Variants in HPRT1 observed in about 807,000 individuals in gnomAD.
HPRT1 encodes hypoxanthine phosphoribosyltransferase 1, also known as hypoxanthine-guanine phosphoribosyltransferase.
Under a neutral mutation model 19.0 loss-of-function variants are expected in HPRT1, and 4 were observed. That is an observed-to-expected ratio of 0.21 (90% CI 0.10 to 0.48). HPRT1 has a LOEUF of 0.48. Ranked by LOEUF, HPRT1 falls within the 20% of genes least tolerant of loss-of-function variation. The pLI is 0.98. For synonymous variants in HPRT1, 53 were observed against 54.9 expected (o/e 0.97, Z 0.15); for missense variants, 65 against 164.0 (o/e 0.40, Z 3.30).
Position 134,469,474 on chromosome X carries a change from C to T in HPRT1, c.28-3885C>T, listed in dbSNP as rs756649539. ...TTGCCAGAATTCCTGTTTTAGAATA[C>T]ATCTCTGCTGATCTGTCTGTATTCT... is the stretch of plus-strand genomic sequence containing the variant. On this transcript the variant is annotated intron_variant, in intron 1 of 8. Coordinates refer to ENST00000298556, the MANE Select transcript of HPRT1 (RefSeq NM_000194.3). Among the ~76,000 whole-genome samples, 23 of 111,821 alleles carry T rather than the reference C, an allele frequency of 2.1e-4. 1 individual carries two copies. Among genetic ancestry groups the T allele is most frequent in the African/African-American group, 7.1e-4 (22 of 30,803 alleles).
In HPRT1 at chrX:134,496,224, TC is replaced by T. The variant is rs17882884; in HGVS notation, c.486-2164del. Among the ~76,000 whole-genome samples the T allele has an allele frequency of 2.5e-3, 286 of 112,291 alleles. 1 individual carries two copies. The highest frequency in any genetic ancestry group is 8.6e-3 in the African/African-American group (265 of 30,932). On this transcript the variant is annotated intron_variant, in intron 6 of 8. Transcript: ENST00000298556. ...ATATGAGGGTTCCAATATCTCCACATCCTTGACAACACTTGTTACTGTCCTT... is the reference window on the plus strand; with the variant it reads ...ATATGAGGGTTCCAATATCTCCACATCTTGACAACACTTGTTACTGTCCTT...
chrX:134,499,593 A>G (rs2077690069), intron 8 of HPRT1, among the ~76,000 whole-genome samples: 1 of 111,526 alleles, frequency 9.0e-6, no homozygotes, highest in Non-Finnish European at 1.9e-5. Flanking sequence ...TCACAAGGTC[A>G]GGAGATCGAG....
At chrX:134,483,690 C>T (rs1330085801) in intron 3 of HPRT1, among the ~76,000 whole-genome samples, 1 of 111,557 alleles carries the variant, frequency 9.0e-6, no homozygotes, top group African/African-American at 3.3e-5. Flanking sequence ...TTGTTCCAGA[C>T]AGCCAAGGAG....
At chrX:134,473,613 A>T (rs888579006) in intron 2 of HPRT1, 148 bp downstream of exon 2, 1 of 445,277 alleles carries the variant, frequency 2.2e-6, no homozygotes, top group African/African-American at 2.4e-5. Context: ...TATTAAAAAT[A>T]AAAGAGGAGG....
At position 134,483,180 on chromosome X, in the gene HPRT1, G is replaced by T. The variant is rs927984680; in HGVS notation, c.319-3285G>T. On this transcript the variant is annotated intron_variant, in intron 3 of 8. Transcript: ENST00000298556. ...GCCCTCTTGGGAACCCAGCCTTGTT[G>T]ATTAGCCTCTCTGCTTTCTCTCCTT... Among the ~76,000 whole-genome samples, 3 of 111,079 alleles carry T rather than the reference G, an allele frequency of 2.7e-5. No homozygotes were observed. In the Admixed American group the frequency reaches 2.9e-4, roughly 11 times the overall value.
At chrX:134,484,988 A>G (rs2077649349) in intron 3 of HPRT1, among the ~76,000 whole-genome samples, 1 of 111,783 alleles carries the variant, frequency 8.9e-6, no homozygotes, top group African/African-American at 3.3e-5. Context: ...TCTTGAATGT[A>G]TCTTTGTATA....
intron 1 of HPRT1, among the ~76,000 whole-genome samples, chrX:134,468,756 A>AG (rs1163298685): frequency 9.8e-6 from 1 of 102,081 alleles, no homozygotes; most frequent in Admixed American, 1.0e-4. Context: ...CTCCGTCTCA[A>AG]AAAAAAAAAA....
rs982823151 is a variant in HPRT1, at chrX:134,496,218, T to G, written c.486-2172T>G. Among the ~76,000 whole-genome samples the G allele has an allele frequency of 8.0e-5, 9 of 112,128 alleles. No individual in the cohort carries two copies. The East Asian group carries it at 1.4e-3, about 17-fold the overall frequency. ...AGTAACATATGAGGGTTCCAATATCTCCACATCCTTGACAACACTTGTTAC... is the reference window on the plus strand; with the variant it reads ...AGTAACATATGAGGGTTCCAATATCGCCACATCCTTGACAACACTTGTTAC... On this transcript the variant is annotated intron_variant, in intron 6 of 8. Transcript: ENST00000298556.
At chrX:134,482,279 TC>T (rs2077642501) in intron 3 of HPRT1, among the ~76,000 whole-genome samples, 1 of 111,300 alleles carries the variant, frequency 9.0e-6, no homozygotes, top group Non-Finnish European at 1.9e-5. Context: ...GGTCTAGAAC[TC>T]CTGGGCTTAA....
intron 6 of HPRT1, 118 bp from the exon 7 acceptor site, chrX:134,498,272 G>T (rs962490410): frequency 1.3e-5 from 8 of 613,851 alleles, no homozygotes; most frequent in Admixed American, 1.2e-4. Flanking sequence ...TGTGTTAAAA[G>T]TGACCATGGT....
chrX:134,495,048 A>G (rs904039534), intron 6 of HPRT1, among the ~76,000 whole-genome samples: 19 of 110,595 alleles, frequency 1.7e-4, no homozygotes, highest in Admixed American at 6.8e-4. Context: ...GAGGGTCACA[A>G]ATCTTGTAAT....
Position 134,500,155 on chromosome X carries a change from T to G in HPRT1, c.*78T>G. ...AGTAAAATTATCAATGTTCTAGTTC[T>G]GTGGCCATCTGCTTAGTAGAGCTTT... On this transcript the variant is annotated 3_prime_UTR_variant, in exon 9 of 9. Coordinates refer to ENST00000298556, the MANE Select transcript of HPRT1 (RefSeq NM_000194.3). 5 of 672,177 alleles carry G rather than the reference T, an allele frequency of 7.4e-6. No homozygotes were observed. Among genetic ancestry groups the G allele is most frequent in the Non-Finnish European group, 9.9e-6 (4 of 404,289 alleles). 55.4% of individuals were successfully genotyped at this position (672,177 alleles called of 1,213,427 possible).
chrX:134,482,494 C>G (rs1418431293), intron 3 of HPRT1, among the ~76,000 whole-genome samples: 1 of 112,059 alleles, frequency 8.9e-6, no homozygotes, highest in Non-Finnish European at 1.9e-5. Context: ...TTTTATGTTT[C>G]TGCTATGTGG....
At chrX:134,478,693 C>T (rs1033478568) in intron 3 of HPRT1, among the ~76,000 whole-genome samples, 1 of 111,858 alleles carries the variant, frequency 8.9e-6, no homozygotes, top group Non-Finnish European at 1.9e-5. Context: ...AATATCACTG[C>T]CACTTTTTAT....
At chrX:134,490,255 G>A (rs773017009) in intron 5 of HPRT1, 50 bp downstream of exon 5, 2 of 730,605 alleles carry the variant, frequency 2.7e-6, no homozygotes, top group Admixed American at 2.5e-5. Flanking sequence ...TTCTAACTTA[G>A]TATGCACCAT....
intron 6 of HPRT1, among the ~76,000 whole-genome samples, chrX:134,494,745 T>C (rs1007793455): frequency 3.6e-5 from 4 of 112,271 alleles, no homozygotes; most frequent in East Asian, 2.8e-4. Context: ...GTCAACCTAC[T>C]GTGGCATAGA....
chrX:134,472,183 A>G (rs892651538), intron 1 of HPRT1, among the ~76,000 whole-genome samples: 6 of 110,086 alleles, frequency 5.5e-5, no homozygotes, highest in African/African-American at 1.3e-4. Flanking sequence ...TACATTCCCC[A>G]TGTCGGTCTT....
At position 134,460,218 on chromosome X, in the gene HPRT1, G is replaced by C; in HGVS notation, c.-94G>C. The stretch of plus-strand genomic sequence containing the variant: ...GGCGAACCTCTCGGCTTTCCCGCGC[G>C]GCGCCGCCTCTTGCTGCGCCTCCGC... On this transcript the variant is annotated 5_prime_UTR_variant, in exon 1 of 9. Coordinates refer to ENST00000298556, the MANE Select transcript of HPRT1 (RefSeq NM_000194.3). 2 of 979,135 alleles carry C rather than the reference G, an allele frequency of 2.0e-6. No homozygotes were observed. The highest frequency in any genetic ancestry group is 2.7e-6 in the Non-Finnish European group (2 of 729,094). 80.7% of individuals were successfully genotyped at this position (979,135 alleles called of 1,213,427 possible).
chrX:134,466,633 AG>A (rs1355389710), intron 1 of HPRT1, among the ~76,000 whole-genome samples: 3 of 111,862 alleles, frequency 2.7e-5, no homozygotes, highest in Non-Finnish European at 5.6e-5. Flanking sequence ...CAGCCTGAGC[AG>A]GTAGTTGTTC....
Sources: gnomAD v4.1 joint callset for allele counts (sites outside exome capture counted in the v4.1 genomes callset) on GRCh38, gnomAD v4.1.1 for gene constraint, MANE v1.5 for transcripts, NCBI Gene and HGNC (gene_info 2026-07-23, HGNC 2026-07-21) for gene names.